The following TLCD4 variants were observed in gnomAD, a reference collection of about 807,000 sequenced individuals.
TLCD4 encodes the protein TLC domain containing 4, also known as TLC domain-containing protein 4.
TLCD4 carries 7 observed loss-of-function variants against 24.2 expected under a neutral mutation model. The ratio of observed to expected loss-of-function variants is 0.29; its 90% confidence interval spans 0.16 to 0.54. The LOEUF is 0.54. Among genes scored for constraint, TLCD4 ranks in the 20% least tolerant of loss-of-function variants. The pLI is 0.95. For synonymous variants in TLCD4, 103 were observed against 106.4 expected (o/e 0.97, Z 0.20); for missense variants, 259 against 313.9 (o/e 0.82, Z 1.32).
chr1:95,150,261 TTTCTGG>T lies in TLCD4; in HGVS notation c.301_304+2del, dbSNP rs1557685192. 1 of 1,610,794 alleles carries T rather than the reference TTTCTGG, an allele frequency of 6.2e-7. No homozygotes were observed. On this transcript the variant is annotated splice_donor_variant and coding_sequence_variant, in exon 4 of 7. Transcript: ENST00000370203. LOFTEE classifies it high-confidence loss of function. The stretch of plus-strand genomic sequence containing the variant: ...ATTGCTATTGCCTCAGGCTACCTCA[TTTCTGG>T]TATGTGAGATGTTGTTTTATTGTCT...
intron 5 of TLCD4, among the ~76,000 whole-genome samples, chr1:95,159,446 C>G (rs1481856812): frequency 1.3e-5 from 2 of 152,160 alleles, no homozygotes; most frequent in Non-Finnish European, 2.9e-5. Context: ...AATTTTCTCT[C>G]ATTCTGTAGG....
In TLCD4 at chr1:95,146,350, G is replaced by A. The variant is rs567670235; in HGVS notation, c.155+2294G>A. Among the ~76,000 whole-genome samples the A allele has an allele frequency of 8.6e-5, 13 of 151,972 alleles. 1 individual carries two copies. The highest frequency in any genetic ancestry group is 2.7e-4 in the African/African-American group (11 of 41,428). ...TATTCACTTTCTTACCTATCACATT[G>A]AAAGTCTTATTGTGTTGAAATACTA... On this transcript the variant is annotated intron_variant, in intron 2 of 6. Transcript: ENST00000370203.
At chr1:95,100,481 A>C in the TLCD4 span, among the ~76,000 whole-genome samples, 1 of 152,148 alleles carries the variant, frequency 6.6e-6, no homozygotes, top group Non-Finnish European at 1.5e-5. Flanking sequence ...AGGCTAAGGC[A>C]TGAGAATCAC....
chr1:95,152,252 C>T (rs542527271), intron 5 of TLCD4, among the ~76,000 whole-genome samples: 398 of 152,136 alleles, frequency 2.6e-3, no homozygotes, highest in Non-Finnish European at 4.2e-3. Flanking sequence ...AGTAGTTACT[C>T]ATTGACTATA....
intron 5 of TLCD4, among the ~76,000 whole-genome samples, chr1:95,172,695 C>A (rs978971575): frequency 5.3e-5 from 8 of 151,942 alleles, no homozygotes; most frequent in Non-Finnish European, 1.2e-4. Context: ...ATAATTTTCA[C>A]GAATAAATAC....
At chr1:95,110,866 T>TAAAAAAAAAAAAA in the TLCD4 span, among the ~76,000 whole-genome samples, 1 of 119,564 alleles carries the variant, frequency 8.4e-6, no homozygotes, top group Non-Finnish European at 1.8e-5. Flanking sequence ...AAAAGAAAAG[T>TAAAAAAAAAAAAA]AAAAAAAAAA....
At chr1:95,154,423 G>T (rs1243002926) in intron 5 of TLCD4, among the ~76,000 whole-genome samples, 1 of 152,138 alleles carries the variant, frequency 6.6e-6, no homozygotes, top group African/African-American at 2.4e-5. Context: ...AATGCCCTTA[G>T]CAGTGTGTCC....
chr1:95,184,193 C>T (rs1385280311), intron 6 of TLCD4, among the ~76,000 whole-genome samples: 1 of 152,168 alleles, frequency 6.6e-6, no homozygotes, highest in Non-Finnish European at 1.5e-5. Context: ...TTACTCACAA[C>T]AGCACTTCTT....
chr1:95,095,388 GTTTTTA>G, the TLCD4 span, among the ~76,000 whole-genome samples: 6 of 151,736 alleles, frequency 4.0e-5, no homozygotes, highest in East Asian at 3.9e-4. Context: ...CCTCTTTAGG[GTTTTTA>G]TTTTTATTTT....
intron 5 of TLCD4, among the ~76,000 whole-genome samples, chr1:95,155,548 G>A (rs1677607687): frequency 6.6e-6 from 1 of 152,070 alleles, no homozygotes; most frequent in Non-Finnish European, 1.5e-5. Context: ...GAGAGAAAAG[G>A]ATAAAGTAAC....
At chr1:95,119,322 C>G (rs904958896) in intron 1 of TLCD4, among the ~76,000 whole-genome samples, 5 of 152,090 alleles carry the variant, frequency 3.3e-5, no homozygotes, top group African/African-American at 1.2e-4. Context: ...TCTGAAATCT[C>G]CACTGGGTAA....
At chr1:95,169,433 G>A (rs577440554) in intron 5 of TLCD4, among the ~76,000 whole-genome samples, 9 of 152,172 alleles carry the variant, frequency 5.9e-5, no homozygotes, top group Non-Finnish European at 8.8e-5. Context: ...TTTGGCCAAA[G>A]TTGTTTAGAT....
At chr1:95,104,663 C>CAAAAAAAAAA in the TLCD4 span, among the ~76,000 whole-genome samples, 146 of 40,578 alleles carry the variant, frequency 3.6e-3, 11 homozygotes, top group African/African-American at 9.4e-3. Context: ...GACTCCGTCT[C>CAAAAAAAAAA]AAAAAAAAAA....
chr1:95,119,957 G>C (rs576979840), intron 1 of TLCD4, among the ~76,000 whole-genome samples: 68 of 152,242 alleles, frequency 4.5e-4, no homozygotes, highest in Non-Finnish European at 5.0e-4. Context: ...TTTCTGTTAA[G>C]GAAGATAATG....
At chr1:95,185,477 TC>T (rs1678799699) in intron 6 of TLCD4, among the ~76,000 whole-genome samples, 1 of 152,116 alleles carries the variant, frequency 6.6e-6, no homozygotes, top group African/African-American at 2.4e-5. Flanking sequence ...CACTGACACA[TC>T]TATTTTTTTC....
chr1:95,151,561 C>T lies in TLCD4; in HGVS notation c.399+142C>T, dbSNP rs961276962. On this transcript the variant is annotated intron_variant, in intron 5 of 6. Transcript: ENST00000370203. ...ATTCAGGGATTGCTTTTGTGGTATG[C>T]TATCTTCTGTATTAACTAAAATAAT... The T allele has an allele frequency of 2.3e-5, 21 of 918,428 alleles. 1 individual carries two copies. In the Admixed American group the frequency reaches 5.6e-4, roughly 25 times the overall value. The allele number at this position is 918,428 out of a possible 1,614,324, so 56.9% of individuals were successfully genotyped here. A position where few individuals can be genotyped will look rare whatever the true frequency, so the allele number is the denominator to read the frequency against.
intron 6 of TLCD4, among the ~76,000 whole-genome samples, chr1:95,175,436 G>A (rs935488243): frequency 1.3e-5 from 2 of 152,100 alleles, no homozygotes; most frequent in Non-Finnish European, 2.9e-5. Flanking sequence ...GCATTCATCC[G>A]TCCATGGACA....
chr1:95,158,256 G>A (rs1413759836), intron 5 of TLCD4, among the ~76,000 whole-genome samples: 1 of 147,652 alleles, frequency 6.8e-6, no homozygotes, highest in Admixed American at 6.8e-5. Flanking sequence ...GGCACTGTCA[G>A]GGCTCACTGC....
intron 5 of TLCD4, among the ~76,000 whole-genome samples, chr1:95,160,427 A>C (rs1166135542): frequency 2.0e-5 from 3 of 152,180 alleles, no homozygotes; most frequent in African/African-American, 7.2e-5. Flanking sequence ...GGGGTTTTCT[A>C]AATATACAGT....
Sources: allele counts gnomAD v4.1 joint callset (sites outside exome capture counted in the v4.1 genomes callset), GRCh38; gene constraint gnomAD v4.1.1; transcripts MANE v1.5; gene names NCBI Gene and HGNC (gene_info 2026-07-23, HGNC 2026-07-21).